Variants in FGFR4 observed in about 807,000 individuals in gnomAD.
FGFR4 encodes fibroblast growth factor receptor 4.
In FGFR4, 63 loss-of-function variants were observed where a neutral mutation model predicts 89.9. The observed-to-expected ratio is 0.70, with a 90% CI of 0.57 to 0.86. The LOEUF (loss-of-function observed/expected upper bound fraction) is 0.86. FGFR4 is among the 40% of genes least tolerant of loss of function. The pLI is 0.00. For missense variants in FGFR4, 928 were observed against 1,106.7 expected (o/e 0.84, Z 2.29); for synonymous variants, 486 against 479.4 (o/e 1.01, Z -0.18).
At position 177,093,858 on chromosome 5, in the gene FGFR4, G is replaced by A; in HGVS notation, c.1519+83G>A. 1.4e-6 allele frequency: 2 copies of A among 1,472,722 alleles called. No homozygotes were observed. Among genetic ancestry groups the A allele is most frequent in the Non-Finnish European group, 9.2e-7 (1 of 1,091,180 alleles). The allele number at this position is 1,472,722 out of a possible 1,614,324, so 91.2% of individuals were successfully genotyped here. ...AGGGTGGGAGGATCGCTTGAATCCA[G>A]GAATTCGAGGCCAGCCTGGGCAACA... On this transcript the variant is annotated intron_variant, in intron 11 of 17. Transcript: ENST00000292408. The surrounding 1 kb of genome is among the most constrained non-coding windows in gnomAD (Gnocchi z 5.8).
At position 177,097,404 on chromosome 5, in the gene FGFR4, C is replaced by A; in HGVS notation, c.2259+7C>A. On this transcript the variant is annotated splice_region_variant and intron_variant, in intron 17 of 17. Transcript: ENST00000292408. ...GCTGGCCGTCTCTGAGGAGGTACAGCCCCTCCCACCCACCACCTCCCTCTG... is the reference window on the plus strand; with the variant it reads ...GCTGGCCGTCTCTGAGGAGGTACAGACCCTCCCACCCACCACCTCCCTCTG... 1 of 1,609,284 alleles carries A rather than the reference C, an allele frequency of 6.2e-7. No individual in the cohort carries two copies. Among genetic ancestry groups the A allele is most frequent in the South Asian group, 1.1e-5 (1 of 90,378 alleles).
At chr5:177,096,444 G>C in intron 15 of FGFR4, 87 bp downstream of exon 15, 4 of 1,556,946 alleles carry the variant, frequency 2.6e-6, no homozygotes, top group Non-Finnish European at 3.5e-6. Flanking sequence ...TCATGCGCTC[G>C]AGGGCTCCTT....
chr5:177,094,338 A>G (rs986522044), intron 11 of FGFR4, among the ~76,000 whole-genome samples: 1 of 152,176 alleles, frequency 6.6e-6, no homozygotes, highest in Non-Finnish European at 1.5e-5. Context: ...TGCCTGGCTC[A>G]TAGTCAGGGC....
Position 177,097,273 on chromosome 5 carries a change from T to C in FGFR4, c.2154-19T>C. 6.4e-7 allele frequency: 1 copy of C among 1,569,522 alleles called. No individual in the cohort carries two copies. Among genetic ancestry groups the C allele is most frequent in the Non-Finnish European group, 8.6e-7 (1 of 1,157,720 alleles). ...GAAGGCCTGAGGCTCCCTGTGACCC[T>C]CCGCCCCACCTCTCGCAGGTACGGG... On this transcript the variant is annotated intron_variant, in intron 16 of 17. Coordinates refer to ENST00000292408, the MANE Select transcript of FGFR4 (RefSeq NM_213647.3).
chr5:177,090,683 T>C (rs763005603), intron 3 of FGFR4, 30 bp downstream of exon 3: 33 of 1,538,092 alleles, frequency 2.1e-5, no homozygotes, highest in East Asian at 2.0e-4. Context: ...AGTGAAGGGA[T>C]GCCTGGGGAG....
In FGFR4 at chr5:177,092,433, C is replaced by A. The variant is rs1244490662; in HGVS notation, c.840C>A (p.His280Gln). The A allele has an allele frequency of 1.9e-6, 3 of 1,605,790 alleles. No homozygotes were observed. Among genetic ancestry groups the A allele is most frequent in the South Asian group, 1.1e-5 (1 of 89,978 alleles). ...AGGTGTACAGCGATGCCCAGCCCCA[C>A]ATCCAGTGGCTGAAGCACATCGTCA... ...LCKVYSDAQPHIQWLKHIVIN... is the reference protein window; with the variant it reads ...LCKVYSDAQPQIQWLKHIVIN... The change falls in exon 7 of 18, where the codon CAC (histidine) becomes CAA (glutamine). Residue 280 changes from histidine to glutamine, a missense_variant. Transcript: ENST00000292408.
At position 177,093,020 on chromosome 5, in the gene FGFR4, C is replaced by A; in HGVS notation, c.1058-118C>A. On this transcript the variant is annotated intron_variant, in intron 8 of 17. Coordinates refer to ENST00000292408, the MANE Select transcript of FGFR4 (RefSeq NM_213647.3). This position sits in a 1 kb window ranked among gnomAD's most constrained non-coding sequence, Gnocchi z 5.8. ...TGGGACTGGGCATAACTACAGCTTC[C>A]TCCGTGTGTGTCCCCACATATGTTG... is the stretch of plus-strand genomic sequence containing the variant. 7.0e-7 allele frequency: 1 copy of A among 1,426,762 alleles called. No individual in the cohort carries two copies. Among genetic ancestry groups the A allele is most frequent in the Non-Finnish European group, 9.7e-7 (1 of 1,026,882 alleles). The allele number at this position is 1,426,762 out of a possible 1,614,324, so 88.4% of individuals were successfully genotyped here. A position where few individuals can be genotyped will look rare whatever the true frequency, so the allele number is the denominator to read the frequency against.
rs1309733313 is a variant in FGFR4, at chr5:177,095,734, T to A, written c.1821+11T>A. On this transcript the variant is annotated intron_variant, in intron 13 of 17. Coordinates refer to ENST00000292408, the MANE Select transcript of FGFR4 (RefSeq NM_213647.3). The surrounding 1 kb of genome is among the most constrained non-coding windows in gnomAD (Gnocchi z 5.7). ...CTGGAGTCCCGGAAGGTACAGGCGC[T>A]AGGGCTCTGAGCCCCTCTCAGTCTC... 1 of 1,577,226 alleles carries A rather than the reference T, an allele frequency of 6.3e-7. No homozygotes were observed. The highest frequency in any genetic ancestry group is 8.6e-7 in the Non-Finnish European group (1 of 1,163,898).
At chr5:177,094,608 T>C (rs1020641056) in intron 11 of FGFR4, among the ~76,000 whole-genome samples, 7 of 151,644 alleles carry the variant, frequency 4.6e-5, no homozygotes, top group African/African-American at 1.7e-4. Context: ...CCCGGGGTGC[T>C]CTTGCTGGGC....
rs1046842993 is a variant in FGFR4, at chr5:177,087,962, G to T, written c.-54+885G>T. On this transcript the variant is annotated intron_variant, in intron 1 of 17. Coordinates refer to ENST00000292408, the MANE Select transcript of FGFR4 (RefSeq NM_213647.3). The surrounding 1 kb of genome is among the most constrained non-coding windows in gnomAD (Gnocchi z 6.1). Reference sequence around the variant, plus strand: ...AGGATGTTGAGCTGGATCCTGCTGGGCACAGGTAGCCATTAAGGGCTTGCA... The same window carrying T: ...AGGATGTTGAGCTGGATCCTGCTGGTCACAGGTAGCCATTAAGGGCTTGCA... Among the ~76,000 whole-genome samples the T allele has an allele frequency of 5.3e-5, 8 of 152,236 alleles. No homozygotes were observed. Among genetic ancestry groups the T allele is most frequent in the Non-Finnish European group, 1.0e-4 (7 of 68,048 alleles).
rs201205907 is a variant in FGFR4, at chr5:177,097,653, T to C, written c.2386T>C (p.Phe796Leu). ...GCCATTGGGATCCAGCTCCTTCCCCTTCGGGTCTGGGGTGCAGACATGAGC... is the reference window on the plus strand; with the variant it reads ...GCCATTGGGATCCAGCTCCTTCCCCCTCGGGTCTGGGGTGCAGACATGAGC... ...PLPLGSSSFP[F>L]GSGVQT Residue 796 changes from phenylalanine to leucine, a missense_variant, in exon 18 of 18, where the codon TTC becomes CTC. Physicochemically the swap from Phe to Leu is conservative, Grantham distance 22. Around this residue, in one of 5 missense-constraint regions of FGFR4, gnomAD observed 129 missense variants for 150.8 expected, o/e 0.86. Coordinates refer to ENST00000292408, the MANE Select transcript of FGFR4 (RefSeq NM_213647.3). The C allele has an allele frequency of 6.2e-7, 1 of 1,614,164 alleles. No individual in the cohort carries two copies. The highest frequency in any genetic ancestry group is 2.2e-5 in the East Asian group (1 of 44,892).
chr5:177,088,674 G>T (rs553419898), intron 1 of FGFR4, among the ~76,000 whole-genome samples: 13 of 152,330 alleles, frequency 8.5e-5, no homozygotes, highest in Middle Eastern at 3.4e-3. Flanking sequence ...TTTGGAAGAG[G>T]ATAGCCAGCT....
Position 177,095,952 on chromosome 5 carries a change from C to G in FGFR4, c.1822-105C>G. ...CGTTTCTAAACCTTGACCTCCTCCT[C>G]TGTAAAGTGGGTGGAGGGCCCCTGC... On this transcript the variant is annotated intron_variant, in intron 13 of 17. Coordinates refer to ENST00000292408, the MANE Select transcript of FGFR4 (RefSeq NM_213647.3). The surrounding 1 kb of genome is among the most constrained non-coding windows in gnomAD (Gnocchi z 5.7). The G allele has an allele frequency of 6.8e-7, 1 of 1,465,604 alleles. No individual in the cohort carries two copies. The highest frequency in any genetic ancestry group is 9.1e-7 in the Non-Finnish European group (1 of 1,097,664). The allele number at this position is 1,465,604 out of a possible 1,614,324, so 90.8% of individuals were successfully genotyped here.
chr5:177,089,445 C>T, intron 1 of FGFR4, 105 bp from the exon 2 acceptor site: 1 of 1,306,750 alleles, frequency 7.7e-7, no homozygotes, highest in Non-Finnish European at 1.0e-6. Flanking sequence ...GACTTGGACA[C>T]ATCTGCTGGC....
At chr5:177,092,901 G>T (rs780613529) in intron 8 of FGFR4, 117 bp downstream of exon 8, 3 of 1,525,428 alleles carry the variant, frequency 2.0e-6, no homozygotes, top group Non-Finnish European at 2.7e-6. Context: ...CTGGGGGGCA[G>T]TGTGTGGATT....
At position 177,093,268 on chromosome 5, in the gene FGFR4, C is replaced by A. The variant is rs764942612; in HGVS notation, c.1188C>A (p.His396Gln). ...LAGLYRGQAL[H>Q]GRHPRPPATV... ...GGCTGTATCGAGGGCAGGCGCTCCA[C>A]GGCCGGCACCCCCGCCCGCCCGCCA... The change falls in exon 9 of 18, where the codon CAC becomes CAA. Residue 396 changes from histidine (H) to glutamine (Q), a missense_variant. By Grantham distance (24) the His-to-Gln change is conservative. This residue lies in a region of FGFR4 where 741 missense variants were observed against 836.9 expected (regional missense o/e 0.89). Coordinates refer to ENST00000292408, the MANE Select transcript of FGFR4 (RefSeq NM_213647.3). This position sits in a 1 kb window ranked among gnomAD's most constrained non-coding sequence, Gnocchi z 5.8. 1.9e-6 allele frequency: 3 copies of A among 1,612,892 alleles called. No individual in the cohort carries two copies. The highest frequency in any genetic ancestry group is 1.7e-6 in the Non-Finnish European group (2 of 1,179,466).
At position 177,096,443 on chromosome 5, in the gene FGFR4, C is replaced by G. The variant is rs45521337; in HGVS notation, c.2015+86C>G. On this transcript the variant is annotated intron_variant, in intron 15 of 17. Transcript: ENST00000292408. ...CACGTGGCCCCAGGAGTCATGCGCTCGAGGGCTCCTTCAGATTTGGTCTGG... is the reference window on the plus strand; with the variant it reads ...CACGTGGCCCCAGGAGTCATGCGCTGGAGGGCTCCTTCAGATTTGGTCTGG... The G allele has an allele frequency of 3.2e-6, 5 of 1,558,940 alleles. No individual in the cohort carries two copies. The East Asian group carries it at 9.0e-5, about 28-fold the overall frequency.
In FGFR4 at chr5:177,087,157, C is replaced by T. The variant is rs1784176069; in HGVS notation, c.-54+80C>T. ...AGGCGGCGGGGCTACGGGGACTGCC[C>T]CTCCCGGCGCAGGGGACCTGGGCGT... On this transcript the variant is annotated intron_variant, in intron 1 of 17. Coordinates refer to ENST00000292408, the MANE Select transcript of FGFR4 (RefSeq NM_213647.3). This position sits in a 1 kb window ranked among gnomAD's most constrained non-coding sequence, Gnocchi z 6.1. 1 of 152,014 alleles carries T rather than the reference C, an allele frequency of 6.6e-6. No individual in the cohort carries two copies. The highest frequency in any genetic ancestry group is 6.5e-5 in the Admixed American group (1 of 15,272). The allele number at this position is 152,014 out of a possible 1,614,324, so 9.4% of individuals were successfully genotyped here. A position where few individuals can be genotyped will look rare whatever the true frequency, so the allele number is the denominator to read the frequency against.
Position 177,097,106 on chromosome 5 carries a change from CTCT to C in FGFR4, c.2154-183_2154-181del, listed in dbSNP as rs1562078271. Reference sequence around the variant, plus strand: ...TCTCTTCCTCCTCCTCCTCCTGCTCCTCTTCCTCCTCCTCCTCTTCCTCCTCCT... The same window carrying C: ...TCTCTTCCTCCTCCTCCTCCTGCTCCTCCTCCTCCTCCTCTTCCTCCTCCT... On this transcript the variant is annotated intron_variant, in intron 16 of 17. Coordinates refer to ENST00000292408, the MANE Select transcript of FGFR4 (RefSeq NM_213647.3). 36 of 211,840 alleles carry C rather than the reference CTCT, an allele frequency of 1.7e-4. 2 individuals are homozygous for C. Among genetic ancestry groups the C allele is most frequent in the Admixed American group, 6.3e-4 (8 of 12,664 alleles). 13.1% of individuals were successfully genotyped at this position (211,840 alleles called of 1,614,324 possible).
Sources: gnomAD v4.1 joint callset for allele counts (sites outside exome capture counted in the v4.1 genomes callset) on GRCh38, gnomAD v4.1.1 for gene constraint, gnomAD v4.1.1 regional missense constraint, Gnocchi (gnomAD v3.1) non-coding constraint, MANE v1.5 for transcripts, NCBI Gene and HGNC (gene_info 2026-07-23, HGNC 2026-07-21) for gene names.